NBEA: variants seen among roughly 807,000 people sequenced by gnomAD.
NBEA encodes lysosomal-trafficking regulator 2.
NBEA carries 44 observed loss-of-function variants against 343.4 expected under a neutral mutation model. The ratio of observed to expected loss-of-function variants is 0.13; its 90% confidence interval spans 0.10 to 0.16. The LOEUF (loss-of-function observed/expected upper bound fraction) is 0.16. NBEA is among the 10% of genes least tolerant of loss of function. The probability of loss-of-function intolerance (pLI) is 1.00; values close to 1 mark genes in which losing one functional copy is unlikely to be tolerated. For synonymous variants in NBEA, 1,175 were observed against 1,238.7 expected (o/e 0.95, Z 1.08); for missense variants, 2,555 against 3,631.3 (o/e 0.70, Z 7.62).
At chr13:35,425,310 T>C (rs1373753436) in intron 38 of NBEA, among the ~76,000 whole-genome samples, 6 of 152,370 alleles carry the variant, frequency 3.9e-5, no homozygotes, top group Middle Eastern at 3.4e-3. Context: ...CTCTACACAC[T>C]GCTTTGAATG....
In NBEA at chr13:34,943,024, C is replaced by T. The variant is rs1356360787; in HGVS notation, c.204C>T (p.Arg68=). The T allele has an allele frequency of 1.9e-6, 3 of 1,612,832 alleles. No homozygotes were observed. Among genetic ancestry groups the T allele is most frequent in the African/African-American group, 2.7e-5 (2 of 74,780 alleles). Residue 68 remains arginine (R), a synonymous_variant, in exon 1 of 59, where the codon CGC becomes CGT. Coordinates refer to ENST00000379939, the MANE Select transcript of NBEA (RefSeq NM_001385012.1). ...AGMINPSVPI[R]NIRMKFAVLI... is the part of the protein sequence containing the mutation. ...TGATTAACCCTTCGGTGCCGATCCG[C>T]AACATCCGGATGAAATTCGCAGTGT...
At chr13:35,389,759 G>T (rs2042408666) in intron 38 of NBEA, among the ~76,000 whole-genome samples, 1 of 152,002 alleles carries the variant, frequency 6.6e-6, no homozygotes. Context: ...CCATTTAAAA[G>T]GAATATAATG....
At chr13:35,442,924 G>A (rs986926475) in intron 39 of NBEA, among the ~76,000 whole-genome samples, 1 of 152,008 alleles carries the variant, frequency 6.6e-6, no homozygotes, top group African/African-American at 2.4e-5. Flanking sequence ...CTGGAGTTGG[G>A]GAAGCATGAA....
At chr13:35,364,951 A>C (rs1204854492) in intron 38 of NBEA, among the ~76,000 whole-genome samples, 1 of 151,826 alleles carries the variant, frequency 6.6e-6, no homozygotes, top group Non-Finnish European at 1.5e-5. Flanking sequence ...GCCAGTCAAA[A>C]TTCTTTGACC....
intron 8 of NBEA, among the ~76,000 whole-genome samples, chr13:35,062,504 A>G (rs1221552119): frequency 6.6e-6 from 1 of 151,856 alleles, no homozygotes; most frequent in East Asian, 1.9e-4. Flanking sequence ...CGAAAACTCC[A>G]ACCAAAATAA....
At chr13:35,016,589 T>TACACAC (rs66655195) in intron 1 of NBEA, among the ~76,000 whole-genome samples, 47 of 148,284 alleles carry the variant, frequency 3.2e-4, no homozygotes, top group African/African-American at 1.1e-3. Flanking sequence ...TGTATGTGTA[T>TACACAC]ACACACACAC....
At chr13:35,415,794 G>A (rs1428266445) in intron 38 of NBEA, among the ~76,000 whole-genome samples, 1 of 152,094 alleles carries the variant, frequency 6.6e-6, no homozygotes, top group Non-Finnish European at 1.5e-5. Flanking sequence ...GCTTGATGGG[G>A]ATGGCATTGA....
chr13:35,608,568 A>G (rs2082378414), intron 48 of NBEA, among the ~76,000 whole-genome samples: 1 of 152,206 alleles, frequency 6.6e-6, no homozygotes, highest in African/African-American at 2.4e-5. Flanking sequence ...TGCTTGGCAC[A>G]TACTAGTTGT....
chr13:35,255,349 G>T (rs1358598917), intron 34 of NBEA, among the ~76,000 whole-genome samples: 1 of 152,170 alleles, frequency 6.6e-6, no homozygotes, highest in Non-Finnish European at 1.5e-5. Flanking sequence ...CCTGAGTTTT[G>T]CTCAGGCATG....
intron 43 of NBEA, among the ~76,000 whole-genome samples, chr13:35,552,784 G>A (rs752616453): frequency 2.1e-4 from 32 of 152,104 alleles, no homozygotes; most frequent in Non-Finnish European, 2.8e-4. Flanking sequence ...TGTCTGGACC[G>A]GAATTCATTT....
At chr13:35,476,740 C>A in intron 41 of NBEA, 4 of 1,058,700 alleles carry the variant, frequency 3.8e-6, no homozygotes, top group Non-Finnish European at 4.6e-6. Context: ...GCCAGGCAGG[C>A]GGGCGGCCAA....
chr13:35,164,233 A>G (rs2069810899), intron 23 of NBEA, 123 bp from the exon 24 acceptor site: 1 of 832,908 alleles, frequency 1.2e-6, no homozygotes, highest in Non-Finnish European at 1.7e-6. Flanking sequence ...GCTTTATTTT[A>G]TAATTTAATT....
intron 34 of NBEA, among the ~76,000 whole-genome samples, 166 bp downstream of exon 34, chr13:35,232,785 A>T (rs1330722079): frequency 6.6e-6 from 1 of 152,062 alleles, no homozygotes; most frequent in African/African-American, 2.4e-5. Context: ...CATTTTTTTT[A>T]AATAACATGT....
At chr13:35,325,363 TG>T (rs2038472119) in intron 36 of NBEA, among the ~76,000 whole-genome samples, 1 of 152,020 alleles carries the variant, frequency 6.6e-6, no homozygotes, top group African/African-American at 2.4e-5. Flanking sequence ...ATATATAAGA[TG>T]TTTTGATACA....
At chr13:35,178,479 T>A (rs1377578337) in intron 28 of NBEA, among the ~76,000 whole-genome samples, 1 of 151,656 alleles carries the variant, frequency 6.6e-6, no homozygotes, top group African/African-American at 2.4e-5. Context: ...CGGAAAATGA[T>A]CATGATATAT....
intron 41 of NBEA, among the ~76,000 whole-genome samples, chr13:35,518,495 A>G (rs2077570708): frequency 6.6e-6 from 1 of 152,216 alleles, no homozygotes; most frequent in South Asian, 2.1e-4. Flanking sequence ...ATGGCTCTGC[A>G]TATCCTTGTC....
rs573650161 is a variant in NBEA at position 35,614,671 on chromosome 13, C to A, written c.7449+8093C>A. 2.0e-5 allele frequency among the ~76,000 whole-genome samples: 3 copies of A among 152,270 alleles called. No homozygotes were observed. The East Asian group carries it at 5.8e-4, about 29-fold the overall frequency. ...GTATCAACAGATGAAGTGACAAAACCATCCTTAGTAAATTAATGTAACTAC... is the reference window on the plus strand; with the variant it reads ...GTATCAACAGATGAAGTGACAAAACAATCCTTAGTAAATTAATGTAACTAC... On this transcript the variant is annotated intron_variant, in intron 48 of 58. Coordinates refer to ENST00000379939, the MANE Select transcript of NBEA (RefSeq NM_001385012.1).
At chr13:35,484,256 GTGTGTGTGTGTGTGTGTGTATA>G (rs1171819230) in intron 41 of NBEA, among the ~76,000 whole-genome samples, 13 of 134,578 alleles carry the variant, frequency 9.7e-5, no homozygotes, top group African/African-American at 3.8e-4. Flanking sequence ...GTGTGTGTGT[GTGTGTGTGTGTGTGTGTGTATA>G]TATATATATA....
At chr13:35,552,041 A>G (rs746618361) in intron 43 of NBEA, among the ~76,000 whole-genome samples, 37 of 152,212 alleles carry the variant, frequency 2.4e-4, no homozygotes, top group Non-Finnish European at 4.1e-4. Flanking sequence ...CAGCTCCTAC[A>G]TGAACAAAAG....
Sources: allele counts gnomAD v4.1 joint callset (sites outside exome capture counted in the v4.1 genomes callset), GRCh38; gene constraint gnomAD v4.1.1; transcripts MANE v1.5; gene names NCBI Gene and HGNC (gene_info 2026-07-23, HGNC 2026-07-21).